The following FCHO1 variants were observed in gnomAD, a reference collection of about 807,000 sequenced individuals.
The protein encoded by FCHO1 is FCH and mu domain containing endocytic adaptor 1, also known as F-BAR domain only protein 1.
In FCHO1, 45 loss-of-function variants were observed where a neutral mutation model predicts 114.4. That is an observed-to-expected ratio of 0.39 (90% CI 0.31 to 0.50). The LOEUF is 0.50. Among genes scored for constraint, FCHO1 ranks in the 20% least tolerant of loss-of-function variants. The pLI is 0.77. For missense variants in FCHO1, 1,042 were observed against 1,209.6 expected, an observed-to-expected ratio of 0.86 and a Z score of 2.06; for synonymous variants, 480 against 488.9, an observed-to-expected ratio of 0.98 and a Z score of 0.24.
chr19:17,781,857 CTG>C, intron 23 of FCHO1, 37 bp downstream of exon 23: 3 of 1,429,796 alleles, frequency 2.1e-6, no homozygotes, highest in Non-Finnish European at 2.9e-6. Context: ...CGTGGGAAGT[CTG>C]TGTTGGGGGA....
rs573504679 is a variant in FCHO1, at chr19:17,788,190, A to T, written c.2648-94A>T. ...GAGTTACAGGGGTGTTTTGAAGAGG[A>T]CAAGGATGATTGAAGCATCCCAGGG... On this transcript the variant is annotated intron_variant, in intron 28 of 28. Transcript: ENST00000596536. 29 of 931,090 alleles carry T rather than the reference A, an allele frequency of 3.1e-5. No individual in the cohort carries two copies. In the African/African-American group the frequency reaches 4.6e-4, roughly 15 times the overall value. 57.7% of individuals were successfully genotyped at this position (931,090 alleles called of 1,614,324 possible).
intron 13 of FCHO1, chr19:17,774,689 T>A: frequency 1.7e-6 from 1 of 593,226 alleles, no homozygotes; most frequent in East Asian, 2.8e-5. Context: ...GAATTCTTCC[T>A]TTTGCTAGGT....
Position 17,781,290 on chromosome 19 carries a change from A to C in FCHO1, c.1687A>C (p.Arg563=), listed in dbSNP as rs759302983. The C allele has an allele frequency of 6.2e-6, 10 of 1,613,848 alleles. No homozygotes were observed. Among genetic ancestry groups the C allele is most frequent in the Non-Finnish European group, 1.7e-6 (2 of 1,179,946 alleles). The part of the protein sequence containing the change: ...AREGLAAPPR[R]LRSRKVSCPL... The stretch of plus-strand genomic sequence containing the variant: ...GGAGGGCCTGGCAGCCCCACCCAGG[A>C]GACTTCGCTCTAGGAAGGTGTCCTG... Residue 563 remains arginine, a synonymous_variant, in exon 21 of 29, where the codon AGA becomes CGA. Transcript: ENST00000596536.
Position 17,787,859 on chromosome 19 carries a change from C to A in FCHO1, c.2647+13C>A, listed in dbSNP as rs1187257819. On this transcript the variant is annotated intron_variant, in intron 28 of 28. Coordinates refer to ENST00000596536, the MANE Select transcript of FCHO1 (RefSeq NM_015122.3). ...AGGTTTGCCACAGGTACTCCCCAACCCTGCTGCTGGGTGACCTCAGGAGCC... is the reference window on the plus strand; with the variant it reads ...AGGTTTGCCACAGGTACTCCCCAACACTGCTGCTGGGTGACCTCAGGAGCC... 1 of 1,609,664 alleles carries A rather than the reference C, an allele frequency of 6.2e-7. No homozygotes were observed. The highest frequency in any genetic ancestry group is 1.3e-5 in the African/African-American group (1 of 75,002).
chr19:17,763,473 A>T (rs1348577253), intron 5 of FCHO1, among the ~76,000 whole-genome samples: 2 of 151,598 alleles, frequency 1.3e-5, no homozygotes, highest in East Asian at 3.9e-4. Flanking sequence ...TATGTTGGCC[A>T]GGCGGGTCTC....
At chr19:17,780,161 C>CT (rs11400972) in intron 20 of FCHO1, among the ~76,000 whole-genome samples, 81,388 of 103,404 alleles carry the variant, frequency 0.79, 33,999 homozygotes, top group Middle Eastern at 0.93. Context: ...AGAAGAAGCT[C>CT]TTTTTTTTTT....
At chr19:17,749,133 C>T (rs114915546), upstream of FCHO1, among the ~76,000 whole-genome samples, 251 of 152,222 alleles carry the variant, frequency 1.6e-3, 4 homozygotes, top group African/African-American at 5.8e-3. Flanking sequence ...CCATCACCCA[C>T]GCCAGGGGTG....
Position 17,764,383 on chromosome 19 carries a change from T to C in FCHO1, c.128T>C (p.Ile43Thr). Residue 43 changes from isoleucine to threonine, a missense_variant, in exon 6 of 29, where the codon ATC (isoleucine) becomes ACC (threonine). Ile to Thr is a moderately conservative substitution (Grantham distance 89). Transcript: ENST00000596536. ...CTCATTCTCCTCCCCAGGGCCACCATCGAGGAGACCTACTCGAAGGCGATG... is the reference window on the plus strand; with the variant it reads ...CTCATTCTCCTCCCCAGGGCCACCACCGAGGAGACCTACTCGAAGGCGATG... ...LADFIRERATIEETYSKAMAK... is the reference protein window; with the variant it reads ...LADFIRERATTEETYSKAMAK... 6.2e-7 allele frequency: 1 copy of C among 1,613,586 alleles called. No individual in the cohort carries two copies. Among genetic ancestry groups the C allele is most frequent in the Non-Finnish European group, 8.5e-7 (1 of 1,179,894 alleles).
chr19:17,753,569 G>A (rs1255389049), intron 1 of FCHO1: 2 of 152,292 alleles, frequency 1.3e-5, no homozygotes, highest in African/African-American at 4.8e-5. Context: ...CAGGGACCCT[G>A]ACATTGTTCT....
chr19:17,775,421 G>T lies in FCHO1; in HGVS notation c.946-35G>T, dbSNP rs1221308750. 4 of 1,603,318 alleles carry T rather than the reference G, an allele frequency of 2.5e-6. No individual in the cohort carries two copies. Among genetic ancestry groups the T allele is most frequent in the Non-Finnish European group, 3.4e-6 (4 of 1,170,794 alleles). ...GTGAGATGGAAGGTTCGATAGTGGG[G>T]CGCCTGACTCACTGCTGCCCCCTGA... On this transcript the variant is annotated intron_variant, in intron 14 of 28. Transcript: ENST00000596536. The surrounding 1 kb of genome is among the most constrained non-coding windows in gnomAD (Gnocchi z 5.1).
Position 17,762,950 on chromosome 19 carries a change from C to A in FCHO1, c.119+97C>A, listed in dbSNP as rs1235889875. 7 of 819,112 alleles carry A rather than the reference C, an allele frequency of 8.5e-6. No individual in the cohort carries two copies. In the South Asian group the frequency reaches 1.0e-4, roughly 12 times the overall value. The allele number at this position is 819,112 out of a possible 1,614,324, so 50.7% of individuals were successfully genotyped here. A position where few individuals can be genotyped will look rare whatever the true frequency, so the allele number is the denominator to read the frequency against. ...GCCCTGCATGGTCAGGGGCTAGAACCCTGGGGATTCCAGGAACCAGAGGGG... is the reference window on the plus strand; with the variant it reads ...GCCCTGCATGGTCAGGGGCTAGAACACTGGGGATTCCAGGAACCAGAGGGG... On this transcript the variant is annotated intron_variant, in intron 5 of 28. Coordinates refer to ENST00000596536, the MANE Select transcript of FCHO1 (RefSeq NM_015122.3).
chr19:17,787,173 G>A (rs1201426427), intron 27 of FCHO1, among the ~76,000 whole-genome samples: 8 of 141,336 alleles, frequency 5.7e-5, no homozygotes, highest in South Asian at 2.3e-4. Context: ...GTAGTGAGCC[G>A]AGATCGTGCC....
Position 17,776,689 on chromosome 19 carries a change from G to A in FCHO1, c.1259+3G>A. ...CGGTCTGCCCCCAGAACCAGCAGGT[G>A]GGTTCCACACGAGTGGGCAGGTGGG... is the stretch of plus-strand genomic sequence containing the variant. On this transcript the variant is annotated splice_donor_region_variant and intron_variant, in intron 18 of 28. Coordinates refer to ENST00000596536, the MANE Select transcript of FCHO1 (RefSeq NM_015122.3). The surrounding 1 kb of genome is among the most constrained non-coding windows in gnomAD (Gnocchi z 4.4). 1 of 1,613,596 alleles carries A rather than the reference G, an allele frequency of 6.2e-7. No individual in the cohort carries two copies. The highest frequency in any genetic ancestry group is 8.5e-7 in the Non-Finnish European group (1 of 1,179,876).
chr19:17,766,857 C>T (rs564195039), intron 7 of FCHO1, 47 bp downstream of exon 7: 6 of 1,590,394 alleles, frequency 3.8e-6, no homozygotes, highest in South Asian at 2.2e-5. Context: ...TGTGGAACAC[C>T]GGCAGCTCAC....
At chr19:17,749,228 A>G (rs1817680779), upstream of FCHO1, among the ~76,000 whole-genome samples, 1 of 152,058 alleles carries the variant, frequency 6.6e-6, no homozygotes, top group African/African-American at 2.4e-5. Flanking sequence ...GCGCCCTCCC[A>G]GTGGTGGGCA....
rs1297214943 is a variant in FCHO1 at position 17,770,429 on chromosome 19, A to G, written c.341A>G (p.Lys114Arg). The change falls in exon 8 of 29, where the codon AAG becomes AGG. Residue 114 changes from lysine (K) to arginine (R), a missense_variant. By Grantham distance (26) the Lys-to-Arg change is conservative (BLOSUM62 2). This residue lies in a region of FCHO1 where 450 missense variants were observed against 564.1 expected (regional missense o/e 0.80). Coordinates refer to ENST00000596536, the MANE Select transcript of FCHO1 (RefSeq NM_015122.3). ...EEQLKTHKKCKEEVVSTLDAV... is the reference protein window; with the variant it reads ...EEQLKTHKKCREEVVSTLDAV... ...AAATCCCCTCCTACCCCGCAGTGCA[A>G]GGAGGAAGTGGTGAGCACCTTGGAT... is the stretch of plus-strand genomic sequence containing the variant. The G allele has an allele frequency of 1.9e-5, 30 of 1,610,568 alleles. No individual in the cohort carries two copies. Among genetic ancestry groups the G allele is most frequent in the Non-Finnish European group, 2.5e-5 (30 of 1,178,230 alleles).
intron 4 of FCHO1, among the ~76,000 whole-genome samples, chr19:17,755,932 G>A (rs191998767): frequency 1.5e-4 from 23 of 152,308 alleles, no homozygotes; most frequent in Admixed American, 1.2e-3. Flanking sequence ...CCAGAGATGT[G>A]ACATTGAGTG....
chr19:17,780,882 T>C (rs1441547830), intron 20 of FCHO1, among the ~76,000 whole-genome samples: 1 of 152,120 alleles, frequency 6.6e-6, no homozygotes, highest in African/African-American at 2.4e-5. Flanking sequence ...AGTCAGGTTC[T>C]CGGAAAGGGT....
Position 17,770,452 on chromosome 19 carries a change from G to C in FCHO1, c.364G>C (p.Asp122His), listed in dbSNP as rs2091170829. The C allele has an allele frequency of 3.7e-6, 6 of 1,613,452 alleles. No individual in the cohort carries two copies. The highest frequency in any genetic ancestry group is 5.1e-6 in the Non-Finnish European group (6 of 1,179,810). Residue 122 changes from aspartate to histidine, a missense_variant, in exon 8 of 29, where the codon GAT becomes CAT. Physicochemically the swap from Asp to His is moderately conservative, Grantham distance 81 (BLOSUM62 -1). Coordinates refer to ENST00000596536, the MANE Select transcript of FCHO1 (RefSeq NM_015122.3). ...CAAGGAGGAAGTGGTGAGCACCTTG[G>C]ATGCTGTGCAGGTACTCTCGGGCGT... ...KCKEEVVSTLDAVQVLSGVSQ... is the reference protein window; with the variant it reads ...KCKEEVVSTLHAVQVLSGVSQ...
Sources: gnomAD v4.1 joint callset for allele counts (sites outside exome capture counted in the v4.1 genomes callset) on GRCh38, gnomAD v4.1.1 for gene constraint, gnomAD v4.1.1 regional missense constraint, Gnocchi (gnomAD v3.1) non-coding constraint, MANE v1.5 for transcripts, NCBI Gene and HGNC (gene_info 2026-07-23, HGNC 2026-07-21) for gene names.